The following STK33 variants were observed in gnomAD, a reference collection of about 807,000 sequenced individuals.
STK33 encodes the protein serine/threonine kinase 33, also known as serine/threonine-protein kinase 33.
A neutral mutation model predicts 58.0 loss-of-function variants in STK33; 52 were observed. The observed-to-expected ratio is 0.90, with a 90% CI of 0.72 to 1.13. STK33 has a LOEUF of 1.13. STK33 is among the 50% of genes most tolerant of loss of function. The pLI is 0.00. For missense variants in STK33, 630 were observed against 604.2 expected, an observed-to-expected ratio of 1.04 and a Z score of -0.45; for synonymous variants, 215 against 200.1, an observed-to-expected ratio of 1.07 and a Z score of -0.63.
intron 1 of STK33, among the ~76,000 whole-genome samples, chr11:8,531,188 AAAAT>A (rs1954515644): frequency 6.6e-6 from 1 of 152,202 alleles, no homozygotes; most frequent in African/African-American, 2.4e-5. Flanking sequence ...AATGATTAAT[AAAAT>A]AAATACCCCC....
chr11:8,421,982 T>G (rs188294540), intron 14 of STK33, among the ~76,000 whole-genome samples: 1 of 152,258 alleles, frequency 6.6e-6, no homozygotes, highest in African/African-American at 2.4e-5. Context: ...CTATAAATAA[T>G]AAATCTTATT....
At chr11:8,341,239 C>T in the STK33 span, among the ~76,000 whole-genome samples, 4 of 152,302 alleles carry the variant, frequency 2.6e-5, no homozygotes, top group South Asian at 8.3e-4. Context: ...TGGTCCTCTT[C>T]GGGGTGGCAG....
chr11:8,579,037 G>A (rs1315179199), intron 1 of STK33, among the ~76,000 whole-genome samples: 3 of 151,968 alleles, frequency 2.0e-5, no homozygotes, highest in Non-Finnish European at 4.4e-5. Context: ...TGCAGACTTG[G>A]AAATCACCAA....
downstream of STK33, among the ~76,000 whole-genome samples, chr11:8,391,012 C>A (rs922595619): frequency 2.6e-5 from 4 of 152,176 alleles, no homozygotes; most frequent in Admixed American, 6.5e-5. Flanking sequence ...AAGCAGCCAC[C>A]GTGCACTAGG....
chr11:8,511,869 G>A (rs7121143), intron 1 of STK33, among the ~76,000 whole-genome samples: 2,488 of 152,092 alleles, frequency 0.016, 70 homozygotes, highest in African/African-American at 0.058. Flanking sequence ...GTTTGATTCC[G>A]TTAGCTAGTA....
At chr11:8,568,322 T>C (rs552250852) in intron 1 of STK33, among the ~76,000 whole-genome samples, 1 of 152,272 alleles carries the variant, frequency 6.6e-6, no homozygotes, top group African/African-American at 2.4e-5. Context: ...CAAAGTATTA[T>C]TCATAACATT....
At chr11:8,558,117 C>T (rs2140875521) in intron 1 of STK33, among the ~76,000 whole-genome samples, 1 of 152,262 alleles carries the variant, frequency 6.6e-6, no homozygotes, top group Middle Eastern at 3.4e-3. Flanking sequence ...GTTGAGCTAA[C>T]TTGGTACAAT....
intron 1 of STK33, among the ~76,000 whole-genome samples, chr11:8,501,371 G>T (rs1267663996): frequency 6.6e-6 from 1 of 152,038 alleles, no homozygotes; most frequent in African/African-American, 2.4e-5. Flanking sequence ...TTTAAAATGG[G>T]CAAAGAATTT....
At chr11:8,556,338 G>C (rs1468132423) in intron 1 of STK33, among the ~76,000 whole-genome samples, 1 of 152,184 alleles carries the variant, frequency 6.6e-6, no homozygotes, top group Non-Finnish European at 1.5e-5. Flanking sequence ...ATATAGCACA[G>C]TGAGTATAAT....
At chr11:8,367,901 C>T in the STK33 span, among the ~76,000 whole-genome samples, 51 of 152,254 alleles carry the variant, frequency 3.3e-4, no homozygotes, top group African/African-American at 1.2e-3. Context: ...ACAGTGCACA[C>T]GCCCAAACCC....
chr11:8,500,280 G>A (rs563573839), intron 1 of STK33, among the ~76,000 whole-genome samples: 2 of 151,988 alleles, frequency 1.3e-5, no homozygotes, highest in African/African-American at 4.8e-5. Context: ...TTTGCAAAGT[G>A]ACATGATCCT....
intron 11 of STK33, among the ~76,000 whole-genome samples, chr11:8,445,898 A>T (rs893591690): frequency 6.6e-6 from 1 of 152,224 alleles, no homozygotes; most frequent in Non-Finnish European, 1.5e-5. Context: ...GCCTCATAAA[A>T]TGAGTTAGGG....
intron 1 of STK33, among the ~76,000 whole-genome samples, chr11:8,492,272 A>G (rs182424265): frequency 1.8e-3 from 274 of 148,980 alleles, no homozygotes; most frequent in Non-Finnish European, 3.0e-3. Context: ...AATGGAAAAC[A>G]AAAAAAAAAG....
intron 1 of STK33, among the ~76,000 whole-genome samples, chr11:8,588,569 G>C (rs2032092245): frequency 2.0e-5 from 3 of 152,076 alleles, no homozygotes; most frequent in Admixed American, 2.0e-4. Flanking sequence ...TAAAATTACA[G>C]AACTTTTAGA....
chr11:8,555,215 A>C (rs1342880919), intron 1 of STK33: 1 of 152,196 alleles, frequency 6.6e-6, no homozygotes, highest in Non-Finnish European at 1.5e-5. Context: ...AACTCATAGA[A>C]GTAGAGTGTA....
chr11:8,476,246 T>C (rs1949261989), intron 4 of STK33, among the ~76,000 whole-genome samples: 1 of 152,172 alleles, frequency 6.6e-6, no homozygotes, highest in African/African-American at 2.4e-5. Flanking sequence ...CTTAACAGAA[T>C]GCAGGCAAAG....
chr11:8,520,560 G>A (rs931396728), intron 1 of STK33, among the ~76,000 whole-genome samples: 1 of 152,186 alleles, frequency 6.6e-6, no homozygotes, highest in African/African-American at 2.4e-5. Context: ...AACTGTCCCT[G>A]TTTGCAGATG....
intron 6 of STK33, among the ~76,000 whole-genome samples, chr11:8,468,573 T>C (rs552922089): frequency 1.3e-4 from 20 of 152,348 alleles, no homozygotes; most frequent in Non-Finnish European, 2.6e-4. Flanking sequence ...AACAATATTA[T>C]TGCTTTTTTG....
At chr11:8,401,323 C>T (rs1270209226) in intron 15 of STK33, among the ~76,000 whole-genome samples, 3 of 152,132 alleles carry the variant, frequency 2.0e-5, no homozygotes, top group Non-Finnish European at 4.4e-5. Context: ...TGCATATCTA[C>T]AACCATCTGA....
Sources: allele counts gnomAD v4.1 joint callset (sites outside exome capture counted in the v4.1 genomes callset), GRCh38; gene constraint gnomAD v4.1.1; transcripts MANE v1.5; gene names NCBI Gene and HGNC (gene_info 2026-07-23, HGNC 2026-07-21).